Variants in DOCK7 observed in about 807,000 individuals in gnomAD.
The protein encoded by DOCK7 is dedicator of cytokinesis protein 7.
DOCK7 carries 138 observed loss-of-function variants against 271.0 expected under a neutral mutation model. The observed-to-expected ratio is 0.51, with a 90% confidence interval of 0.44 to 0.59. The LOEUF is 0.59. Among genes scored for constraint, DOCK7 ranks in the 20% least tolerant of loss-of-function variants. DOCK7 has a pLI of 0.00. For synonymous variants in DOCK7, 823 were observed against 876.1 expected (o/e 0.94, Z 1.07); for missense variants, 2,066 against 2,592.4 (o/e 0.80, Z 4.41).
chr1:62,609,404 T>C (rs1651455723), intron 14 of DOCK7: 2 of 152,126 alleles, frequency 1.3e-5, no homozygotes, highest in African/African-American at 2.4e-5. Context: ...AGATGTAAGG[T>C]TGTAGCTATT....
intron 7 of DOCK7, chr1:62,641,407 A>G: frequency 2.5e-6 from 1 of 400,054 alleles, no homozygotes; most frequent in South Asian, 1.9e-5. Context: ...GTGGGATCCC[A>G]TCAAACATCT....
intron 1 of DOCK7, among the ~76,000 whole-genome samples, chr1:62,683,937 A>G (rs1440310183): frequency 2.6e-5 from 4 of 151,566 alleles, no homozygotes; most frequent in African/African-American, 4.9e-5. Context: ...AAGAAAAAAA[A>G]AAGCATAAGA....
chr1:62,638,195 A>G (rs1011162495), intron 7 of DOCK7: 2 of 152,050 alleles, frequency 1.3e-5, no homozygotes, highest in Non-Finnish European at 2.9e-5. Context: ...GTTGTTCTTT[A>G]TGCATTCTAG....
At chr1:62,573,722 T>C (rs1646857264) in intron 18 of DOCK7, among the ~76,000 whole-genome samples, 1 of 152,146 alleles carries the variant, frequency 6.6e-6, no homozygotes, top group Non-Finnish European at 1.5e-5. Flanking sequence ...AATGTACACT[T>C]AAAATTAAAA....
At chr1:62,538,827 C>T (rs1223469292) in intron 27 of DOCK7, among the ~76,000 whole-genome samples, 1 of 152,174 alleles carries the variant, frequency 6.6e-6, no homozygotes, top group Admixed American at 6.5e-5. Context: ...CTGTGTGCTC[C>T]TCATCCCCAC....
intron 43 of DOCK7, chr1:62,479,768 C>G: frequency 2.7e-6 from 1 of 365,324 alleles, no homozygotes; most frequent in Non-Finnish European, 5.7e-6. Flanking sequence ...ACTACAGCTT[C>G]TGTCTCCTGG....
At chr1:62,541,524 G>A (rs575279452) in intron 25 of DOCK7, among the ~76,000 whole-genome samples, 4 of 152,156 alleles carry the variant, frequency 2.6e-5, no homozygotes, top group Non-Finnish European at 5.9e-5. Flanking sequence ...TGAGGATGGA[G>A]ACATTTATGA....
intron 1 of DOCK7, among the ~76,000 whole-genome samples, chr1:62,682,273 T>C (rs1199036546): frequency 3.9e-5 from 6 of 152,226 alleles, no homozygotes; most frequent in Admixed American, 2.0e-4. Flanking sequence ...TGATGAAAGC[T>C]GTGTTTTAGG....
intron 31 of DOCK7, among the ~76,000 whole-genome samples, chr1:62,518,199 G>T (rs1644729212): frequency 6.6e-6 from 1 of 152,172 alleles, no homozygotes; most frequent in East Asian, 1.9e-4. Flanking sequence ...ACTTTGGGAG[G>T]CTGAGTCAGG....
chr1:62,533,479 A>G (rs1645241699), intron 29 of DOCK7, among the ~76,000 whole-genome samples: 2 of 152,010 alleles, frequency 1.3e-5, no homozygotes, highest in Admixed American at 1.3e-4. Context: ...CAAATGGCAA[A>G]ATACAAAAGT....
chr1:62,604,877 T>G, intron 14 of DOCK7: 24 of 1,200,956 alleles, frequency 2.0e-5, no homozygotes, highest in Non-Finnish European at 2.9e-5. Context: ...GTTAATGTGG[T>G]CTAATAATCT....
Position 62,513,971 on chromosome 1 carries a change from T to C in DOCK7, c.3937-73A>G, listed in dbSNP as rs903087235. On this transcript the variant is annotated intron_variant, in intron 31 of 49. Transcript: ENST00000635253. Reference sequence around the variant, plus strand: ...TCTTGTTTTTTGGCTATCAACTGTTTTCTTCTAAAAACAATAAAACAAAAG... The same window carrying C: ...TCTTGTTTTTTGGCTATCAACTGTTCTCTTCTAAAAACAATAAAACAAAAG... The C allele has an allele frequency of 1.2e-5, 17 of 1,390,924 alleles. No homozygotes were observed. The African/African-American group carries it at 1.7e-4, about 14-fold the overall frequency. 86.2% of individuals were successfully genotyped at this position (1,390,924 alleles called of 1,614,324 possible).
chr1:62,535,649 C>CAGAACA lies in DOCK7; in HGVS notation c.3472-23_3472-18dup. The CAGAACA allele has an allele frequency of 6.2e-7, 1 of 1,609,836 alleles. No homozygotes were observed. The highest frequency in any genetic ancestry group is 8.5e-7 in the Non-Finnish European group (1 of 1,177,886). On this transcript the variant is annotated splice_polypyrimidine_tract_variant and intron_variant, in intron 28 of 49. Coordinates refer to ENST00000635253, the MANE Select transcript of DOCK7 (RefSeq NM_001367561.1). Reference sequence around the variant, plus strand: ...TCCAGAACTCTGTTGGAAAGTGAGGCAGAACAAGACTATAACAGCAGTGCA... The same window carrying CAGAACA: ...TCCAGAACTCTGTTGGAAAGTGAGGCAGAACAAGAACAAGACTATAACAGCAGTGCA...
At chr1:62,574,322 A>C (rs1646877075) in intron 18 of DOCK7, among the ~76,000 whole-genome samples, 1 of 152,246 alleles carries the variant, frequency 6.6e-6, no homozygotes, top group Non-Finnish European at 1.5e-5. Flanking sequence ...AGCCTGAAAC[A>C]ATAAATTCTT....
At chr1:62,468,435 T>C (rs948323925) in intron 48 of DOCK7, among the ~76,000 whole-genome samples, 3 of 151,212 alleles carry the variant, frequency 2.0e-5, no homozygotes, top group Admixed American at 6.6e-5. Context: ...AAGCCATCTA[T>C]GACAAATCCA....
At chr1:62,562,945 C>G (rs1303863675) in intron 18 of DOCK7, among the ~76,000 whole-genome samples, 2 of 152,150 alleles carry the variant, frequency 1.3e-5, no homozygotes, top group African/African-American at 4.8e-5. Flanking sequence ...CCCTTAGCAG[C>G]CTGAAATGAG....
At chr1:62,620,960 AAC>A (rs1328971743) in intron 12 of DOCK7, among the ~76,000 whole-genome samples, 2 of 151,878 alleles carry the variant, frequency 1.3e-5, no homozygotes, top group East Asian at 3.8e-4. Context: ...GAAAAATAAG[AAC>A]ACAGACATAA....
chr1:62,600,973 T>C lies in DOCK7; in HGVS notation c.1683-14349A>G, dbSNP rs72649576. On this transcript the variant is annotated intron_variant, in intron 14 of 49. Coordinates refer to ENST00000635253, the MANE Select transcript of DOCK7 (RefSeq NM_001367561.1). ...TTTATCTAAATATCAAACACCGTTA[T>C]AACATTATGAACTGAAAGACAAACT... 0.012 allele frequency: 8,368 copies of C among 718,848 alleles called. 77 individuals are homozygous for C. Among genetic ancestry groups the C allele is most frequent in the Non-Finnish European group, 0.017 (6,567 of 392,966 alleles). The allele number at this position is 718,848 out of a possible 1,614,324, so 44.5% of individuals were successfully genotyped here. A position where few individuals can be genotyped will look rare whatever the true frequency, so the allele number is the denominator to read the frequency against.
chr1:62,680,316 G>A (rs902890615), intron 1 of DOCK7, among the ~76,000 whole-genome samples: 3 of 152,142 alleles, frequency 2.0e-5, no homozygotes, highest in African/African-American at 4.8e-5. Flanking sequence ...AAATGGTGTC[G>A]GGAAACCTGG....
Sources: gnomAD v4.1 joint callset for allele counts (sites outside exome capture counted in the v4.1 genomes callset) on GRCh38, gnomAD v4.1.1 for gene constraint, MANE v1.5 for transcripts, NCBI Gene and HGNC (gene_info 2026-07-23, HGNC 2026-07-21) for gene names.